Variants in COG2 observed in about 807,000 individuals in gnomAD.
COG2 encodes the protein component of oligomeric golgi complex 2.
A neutral mutation model predicts 90.6 loss-of-function variants in COG2; 52 were observed. The ratio of observed to expected loss-of-function variants is 0.57; its 90% CI spans 0.46 to 0.72. COG2 has a LOEUF of 0.72. Among genes scored for constraint, COG2 ranks in the 30% least tolerant of loss-of-function variants. COG2 has a pLI of 0.00. For missense variants in COG2, 829 were observed against 891.2 expected, an observed-to-expected ratio of 0.93 and a Z score of 0.89; for synonymous variants, 337 against 320.4, an observed-to-expected ratio of 1.05 and a Z score of -0.55.
At chr1:230,693,153 C>G in intron 17 of COG2, 139 bp from the exon 18 acceptor site, 1 of 555,542 alleles carries the variant, frequency 1.8e-6, no homozygotes, top group Non-Finnish European at 3.3e-6. Context: ...ATCCTTTGCT[C>G]TAGAGGAAAA....
At chr1:230,645,233 C>CAA (rs57806034) in intron 1 of COG2, among the ~76,000 whole-genome samples, 5 of 91,034 alleles carry the variant, frequency 5.5e-5, no homozygotes, top group African/African-American at 8.3e-5. Context: ...GAGACCCTGT[C>CAA]AAAAAAAAAA....
At chr1:230,663,090 A>G (rs1265474583) in intron 3 of COG2, 51 bp from the exon 4 acceptor site, 2 of 1,455,146 alleles carry the variant, frequency 1.4e-6, no homozygotes, top group African/African-American at 2.9e-5. Context: ...TGTAAATTTC[A>G]TAATGTTACA....
At chr1:230,652,467 C>A (rs536630896) in intron 1 of COG2, among the ~76,000 whole-genome samples, 12 of 152,284 alleles carry the variant, frequency 7.9e-5, no homozygotes, top group African/African-American at 2.9e-4. Flanking sequence ...TGAAAGAAAT[C>A]ATATTTGCTT....
At chr1:230,690,325 T>C (rs995617338) in intron 16 of COG2, 172 bp downstream of exon 16, 6 of 555,190 alleles carry the variant, frequency 1.1e-5, no homozygotes, top group Non-Finnish European at 1.8e-5. Context: ...CCCCACACCC[T>C]TGTGGACGGC....
At position 230,693,659 on chromosome 1, in the gene COG2, A is replaced by G; in HGVS notation, c.*266A>G. 3.5e-6 allele frequency: 1 copy of G among 281,994 alleles called. No homozygotes were observed. Among genetic ancestry groups the G allele is most frequent in the Non-Finnish European group, 6.5e-6 (1 of 153,620 alleles). 17.5% of individuals were successfully genotyped at this position (281,994 alleles called of 1,614,324 possible). A position where few individuals can be genotyped will look rare whatever the true frequency, so the allele number is the denominator to read the frequency against. ...TCTACTATAGTTTACAGAACAAATT[A>G]TTTTATTTTTATTGTAAATCTTAGT... On this transcript the variant is annotated 3_prime_UTR_variant, in exon 18 of 18. Coordinates refer to ENST00000366669, the MANE Select transcript of COG2 (RefSeq NM_007357.3).
At chr1:230,687,205 C>G (rs752305546) in intron 13 of COG2, 73 bp downstream of exon 13, 295 of 1,358,326 alleles carry the variant, frequency 2.2e-4, no homozygotes, top group Admixed American at 3.3e-4. Flanking sequence ...GTGTAAAAGG[C>G]AAACACCACT....
chr1:230,651,884 A>G (rs1409162215), intron 1 of COG2, among the ~76,000 whole-genome samples: 2 of 152,206 alleles, frequency 1.3e-5, no homozygotes, highest in Non-Finnish European at 2.9e-5. Flanking sequence ...TTTTAGTTTT[A>G]TAGAAGAATT....
At chr1:230,688,680 A>G in intron 15 of COG2, 118 bp downstream of exon 15, 1 of 1,153,114 alleles carries the variant, frequency 8.7e-7, no homozygotes, top group Non-Finnish European at 1.3e-6. Flanking sequence ...GACTGAGCTC[A>G]TCCCATTCTG....
chr1:230,655,298 T>C (rs759117465), intron 1 of COG2, among the ~76,000 whole-genome samples: 1 of 152,232 alleles, frequency 6.6e-6, no homozygotes, highest in South Asian at 2.1e-4. Flanking sequence ...TTGAGAGTTT[T>C]TAGCATGAAG....
At chr1:230,656,935 C>T (rs1662070419) in intron 1 of COG2, among the ~76,000 whole-genome samples, 1 of 152,214 alleles carries the variant, frequency 6.6e-6, no homozygotes, top group African/African-American at 2.4e-5. Context: ...AAATATTCCT[C>T]CATCCCTTTA....
chr1:230,668,121 T>C (rs1310914965), intron 5 of COG2, among the ~76,000 whole-genome samples: 1 of 151,950 alleles, frequency 6.6e-6, no homozygotes, highest in Non-Finnish European at 1.5e-5. Context: ...GTTTCATTCA[T>C]TGAGGAGACA....
At chr1:230,672,585 C>G (rs1385177464) in intron 8 of COG2, among the ~76,000 whole-genome samples, 1 of 151,956 alleles carries the variant, frequency 6.6e-6, no homozygotes, top group African/African-American at 2.4e-5. Context: ...GATCCCAGCA[C>G]TTTGGGAGGC....
intron 2 of COG2, among the ~76,000 whole-genome samples, 191 bp downstream of exon 2, chr1:230,659,816 C>G (rs568104900): frequency 6.6e-6 from 1 of 152,224 alleles, no homozygotes; most frequent in East Asian, 1.9e-4. Flanking sequence ...TTACTTAAGA[C>G]TATTCTAAAT....
chr1:230,668,548 A>G, intron 5 of COG2, 128 bp from the exon 6 acceptor site: 1 of 595,550 alleles, frequency 1.7e-6, no homozygotes, highest in East Asian at 2.9e-5. Context: ...CAAGGTGGCC[A>G]CATAAAACAC....
chr1:230,652,872 CA>C (rs1471724255), intron 1 of COG2, among the ~76,000 whole-genome samples: 3 of 151,972 alleles, frequency 2.0e-5, no homozygotes, highest in African/African-American at 7.3e-5. Flanking sequence ...GTATGATTGT[CA>C]AATAAAAATT....
intron 11 of COG2, 96 bp downstream of exon 11, chr1:230,683,731 CTGTT>C: frequency 1.7e-6 from 1 of 605,660 alleles, no homozygotes; most frequent in Non-Finnish European, 2.6e-6. Context: ...CGTACTTTTA[CTGTT>C]TTTTTTTTTT....
rs777602254 is a variant in COG2, at chr1:230,685,086, T to C, written c.1230T>C (p.Ala410=). 2 of 1,613,970 alleles carry C rather than the reference T, an allele frequency of 1.2e-6. No homozygotes were observed. Among genetic ancestry groups the C allele is most frequent in the Admixed American group, 3.3e-5 (2 of 59,992 alleles). The change falls in exon 12 of 18, where the codon GCT becomes GCC. Residue 410 remains alanine, a splice_region_variant and synonymous_variant. Coordinates refer to ENST00000366669, the MANE Select transcript of COG2 (RefSeq NM_007357.3). The part of the protein sequence containing the change: ...ALTDVLEDAP[A]ESPYCLLASH... ...GTGTTGTTGTTGTTTTTTCTCTAGC[T>C]GAAAGTCCGTATTGCCTTTTGGCTT...
chr1:230,689,179 GT>G (rs1662962049), intron 15 of COG2, among the ~76,000 whole-genome samples: 1 of 147,646 alleles, frequency 6.8e-6, no homozygotes. Context: ...CACAAAAAAA[GT>G]TTTTATTAAA....
At chr1:230,679,249 A>T (rs1662674191) in intron 10 of COG2, 197 bp downstream of exon 10, 1 of 509,586 alleles carries the variant, frequency 2.0e-6, no homozygotes, top group African/African-American at 1.9e-5. Flanking sequence ...CAAAAAGATA[A>T]GTTTTCTTTT....
Sources: gnomAD v4.1 joint callset for allele counts (sites outside exome capture counted in the v4.1 genomes callset) on GRCh38, gnomAD v4.1.1 for gene constraint, MANE v1.5 for transcripts, NCBI Gene and HGNC (gene_info 2026-07-23, HGNC 2026-07-21) for gene names.